GCN1: variants seen among roughly 807,000 people sequenced by gnomAD.
GCN1 encodes the protein GCN1 activator of EIF2AK4.
GCN1 carries 90 observed loss-of-function variants against 288.4 expected under a neutral mutation model. The ratio of observed to expected loss-of-function variants is 0.31; its 90% CI spans 0.26 to 0.37. The LOEUF (loss-of-function observed/expected upper bound fraction) is 0.37. Ranked by LOEUF, GCN1 falls within the 10% of genes least tolerant of loss-of-function variation. The pLI, the probability that GCN1 is intolerant of heterozygous loss-of-function variation, is 1.00. For synonymous variants in GCN1, 1,386 were observed against 1,420.2 expected, an observed-to-expected ratio of 0.98 and a Z score of 0.54; for missense variants, 2,586 against 3,419.9, an observed-to-expected ratio of 0.76 and a Z score of 6.08.
At chr12:120,183,967 T>C in intron 4 of GCN1, 145 bp downstream of exon 4, 1 of 769,316 alleles carries the variant, frequency 1.3e-6, no homozygotes, top group South Asian at 1.8e-5. Flanking sequence ...GCTTCCACTG[T>C]TTCCCAACCC....
intron 16 of GCN1, among the ~76,000 whole-genome samples, chr12:120,166,520 CTG>C (rs1399683367): frequency 6.6e-6 from 1 of 151,044 alleles, no homozygotes; most frequent in Non-Finnish European, 1.5e-5. Context: ...CTGGCTAACA[CTG>C]TGAAACCCCA....
Position 120,161,602 on chromosome 12 carries a change from T to G in GCN1, c.2343-19A>C. 1 of 1,577,732 alleles carries G rather than the reference T, an allele frequency of 6.3e-7. No homozygotes were observed. On this transcript the variant is annotated intron_variant, in intron 21 of 57. Transcript: ENST00000300648. ...CTGGGCACTGAAACACCAGAGTGGG[T>G]CATCAGCCAGCTTGAAAAGCACCGC...
intron 37 of GCN1, among the ~76,000 whole-genome samples, 164 bp downstream of exon 37, chr12:120,148,003 T>A (rs1187551331): frequency 2.0e-5 from 3 of 152,100 alleles, no homozygotes; most frequent in Admixed American, 6.5e-5. Context: ...TCTCTTGGAG[T>A]CAAACTGCTC....
Position 120,134,467 on chromosome 12 carries a change from G to C in GCN1, c.7203-62C>G, listed in dbSNP as rs200991661. 63 of 1,590,698 alleles carry C rather than the reference G, an allele frequency of 4.0e-5. No individual in the cohort carries two copies. The highest frequency in any genetic ancestry group is 8.4e-5 in the Admixed American group (5 of 59,846). On this transcript the variant is annotated intron_variant, in intron 52 of 57. Coordinates refer to ENST00000300648, the MANE Select transcript of GCN1 (RefSeq NM_006836.2). This position sits in a 1 kb window ranked among gnomAD's most constrained non-coding sequence, Gnocchi z 5.0. ...CTCCACCACCACCCCTCCTGCCAGC[G>C]CAGGCTCGGCCCACAGCAACCCCTG...
In GCN1 at chr12:120,134,395, GCATGGTGTCCCTGCA is replaced by G; in HGVS notation, c.7203-5_7212del. 6.2e-7 allele frequency: 1 copy of G among 1,613,158 alleles called. No homozygotes were observed. The highest frequency in any genetic ancestry group is 8.5e-7 in the Non-Finnish European group (1 of 1,179,182). On this transcript the variant is annotated splice_acceptor_variant and splice_polypyrimidine_tract_variant and coding_sequence_variant and intron_variant, in exon 53 of 58. Transcript: ENST00000300648. LOFTEE classifies it high-confidence loss of function. The surrounding 1 kb of genome is among the most constrained non-coding windows in gnomAD (Gnocchi z 5.0). Reference sequence around the variant, plus strand: ...TGAATCACAAACCTCAGGGCCTGCAGCATGGTGTCCCTGCAGAAGCAATGCACCGCCTTAAGCCCT... The same window carrying G: ...TGAATCACAAACCTCAGGGCCTGCAGGAAGCAATGCACCGCCTTAAGCCCT...
rs1877489409 is a variant in GCN1, at chr12:120,150,058, G to A, written c.4310-15C>T. 1.2e-6 allele frequency: 2 copies of A among 1,613,374 alleles called. No individual in the cohort carries two copies. Among genetic ancestry groups the A allele is most frequent in the Non-Finnish European group, 1.7e-6 (2 of 1,179,816 alleles). ...AAAGAGGGCTCCTAGGGGAAAAGAA[G>A]GTGGGACGGCTGGGAAGAGAATGTC... On this transcript the variant is annotated splice_polypyrimidine_tract_variant and intron_variant, in intron 34 of 57. Transcript: ENST00000300648.
intron 24 of GCN1, among the ~76,000 whole-genome samples, chr12:120,159,569 C>T (rs533137967): frequency 6.6e-6 from 1 of 152,314 alleles, no homozygotes; most frequent in Non-Finnish European, 1.5e-5. Context: ...AACTGGTATA[C>T]AAAGATCGAA....
At chr12:120,136,395 G>T (rs898350915) in intron 51 of GCN1, 107 bp downstream of exon 51, 6 of 807,702 alleles carry the variant, frequency 7.4e-6, no homozygotes, top group Admixed American at 2.2e-5. Context: ...TCTGCTATGC[G>T]GCTCTCCACA....
At chr12:120,152,642 C>A (rs1211349626) in intron 33 of GCN1, among the ~76,000 whole-genome samples, 2 of 134,624 alleles carry the variant, frequency 1.5e-5, no homozygotes, top group African/African-American at 5.7e-5. Flanking sequence ...CACGCGCACA[C>A]ACACACACAC....
intron 15 of GCN1, 142 bp downstream of exon 15, chr12:120,170,027 T>C (rs776720034): frequency 2.8e-6 from 2 of 713,068 alleles, no homozygotes; most frequent in Non-Finnish European, 2.4e-6. Flanking sequence ...AACCATGAGG[T>C]TCATCCTGCA....
At chr12:120,165,002 T>TACACACACACACACACACAC (rs55710290) in intron 16 of GCN1, among the ~76,000 whole-genome samples, 10 of 136,890 alleles carry the variant, frequency 7.3e-5, no homozygotes, top group East Asian at 2.1e-4. Context: ...TACACATATA[T>TACACACACACACACACACAC]ACACACACAC....
rs1425228787 is a variant in GCN1 at position 120,183,636 on chromosome 12, G to A, written c.359C>T (p.Thr120Ile). 2 of 1,613,692 alleles carry A rather than the reference G, an allele frequency of 1.2e-6. No homozygotes were observed. The highest frequency in any genetic ancestry group is 2.7e-5 in the African/African-American group (2 of 74,920). Reference protein sequence around the residue: ...GSAALLALTWTCLLVRIVFPS... With the variant: ...GSAALLALTWICLLVRIVFPS... Reference sequence around the variant, plus strand: ...AAAGACAATGCGCACCAGGAGGCAGGTCCAGGTCAAGGCCAGCAAGGCGGC... The same window carrying A: ...AAAGACAATGCGCACCAGGAGGCAGATCCAGGTCAAGGCCAGCAAGGCGGC... Residue 120 changes from threonine (T) to isoleucine (I), a missense_variant, in exon 5 of 58, where the codon ACC (threonine) becomes ATC (isoleucine). This residue lies in a region of GCN1 where 913 missense variants were observed against 1,107.0 expected (regional missense o/e 0.82). Coordinates refer to ENST00000300648, the MANE Select transcript of GCN1 (RefSeq NM_006836.2).
chr12:120,150,132 C>A, intron 34 of GCN1, 89 bp from the exon 35 acceptor site: 1 of 1,289,340 alleles, frequency 7.8e-7, no homozygotes, highest in Non-Finnish European at 1.1e-6. Flanking sequence ...CTCCCTGCCA[C>A]CTCCCACCCC....
chr12:120,134,424 G>T lies in GCN1; in HGVS notation c.7203-19C>A. The T allele has an allele frequency of 6.3e-7, 1 of 1,597,998 alleles. No individual in the cohort carries two copies. Among genetic ancestry groups the T allele is most frequent in the African/African-American group, 1.3e-5 (1 of 74,730 alleles). On this transcript the variant is annotated intron_variant, in intron 52 of 57. Coordinates refer to ENST00000300648, the MANE Select transcript of GCN1 (RefSeq NM_006836.2). The surrounding 1 kb of genome is among the most constrained non-coding windows in gnomAD (Gnocchi z 5.0). ...GGTGTCCCTGCAGAAGCAATGCACCGCCTTAAGCCCTGGGTGCCTCCACCA... is the reference window on the plus strand; with the variant it reads ...GGTGTCCCTGCAGAAGCAATGCACCTCCTTAAGCCCTGGGTGCCTCCACCA...
At chr12:120,178,790 A>C (rs1566317896) in intron 6 of GCN1, 31 bp from the exon 7 acceptor site, 2 of 1,614,138 alleles carry the variant, frequency 1.2e-6, no homozygotes, top group Non-Finnish European at 1.7e-6. Flanking sequence ...CAGGTGTTTA[A>C]GATGGCAGTG....
At position 120,156,684 on chromosome 12, in the gene GCN1, C is replaced by T; in HGVS notation, c.3169-80G>A. On this transcript the variant is annotated intron_variant, in intron 27 of 57. Coordinates refer to ENST00000300648, the MANE Select transcript of GCN1 (RefSeq NM_006836.2). This position sits in a 1 kb window ranked among gnomAD's most constrained non-coding sequence, Gnocchi z 5.8. The stretch of plus-strand genomic sequence containing the variant: ...GCCAGAGAGGGATATGCACTGAGAA[C>T]ACCCACCCCTACAGCACTGCAAGGG... The T allele has an allele frequency of 1.4e-6, 2 of 1,406,260 alleles. No individual in the cohort carries two copies. Among genetic ancestry groups the T allele is most frequent in the Non-Finnish European group, 2.0e-6 (2 of 1,004,928 alleles). The allele number at this position is 1,406,260 out of a possible 1,614,324, so 87.1% of individuals were successfully genotyped here.
intron 10 of GCN1, 128 bp downstream of exon 10, chr12:120,176,014 GC>G: frequency 7.7e-7 from 1 of 1,300,432 alleles, no homozygotes; most frequent in Non-Finnish European, 1.1e-6. Context: ...AACTGCCAAT[GC>G]CAATGTAGTT....
At position 120,184,571 on chromosome 12, in the gene GCN1, G is replaced by A. The variant is rs117678767; in HGVS notation, c.185+253C>T. Among the ~76,000 whole-genome samples, 677 of 152,282 alleles carry A rather than the reference G, an allele frequency of 4.4e-3. 24 individuals carry two copies. Among genetic ancestry groups the A allele is most frequent in the Admixed American group, 0.034 (523 of 15,294 alleles). ...ACACATTGACCACTATGGCACAGCA[G>A]GCAACTGTTCCAGGCACCTCACGCT... On this transcript the variant is annotated intron_variant, in intron 3 of 57. Coordinates refer to ENST00000300648, the MANE Select transcript of GCN1 (RefSeq NM_006836.2).
rs1877059758 is a variant in GCN1, at chr12:120,137,808, C to A, written c.6400G>T (p.Ala2134Ser). 1 of 1,613,258 alleles carries A rather than the reference C, an allele frequency of 6.2e-7. No individual in the cohort carries two copies. The highest frequency in any genetic ancestry group is 8.5e-7 in the Non-Finnish European group (1 of 1,179,338). Residue 2134 changes from alanine (A) to serine (S), a missense_variant, in exon 49 of 58, where the codon GCC becomes TCC. Physicochemically the swap from Ala to Ser is moderately conservative, Grantham distance 99. Around this residue, in one of 8 missense-constraint regions of GCN1, gnomAD observed 437 missense variants for 570.5 expected, o/e 0.77. Coordinates refer to ENST00000300648, the MANE Select transcript of GCN1 (RefSeq NM_006836.2). The surrounding 1 kb of genome is among the most constrained non-coding windows in gnomAD (Gnocchi z 5.2). ...LGTPDEQLEM[A>S]NCQAVILSVE... is the part of the protein sequence containing the mutation. The stretch of plus-strand genomic sequence containing the variant: ...GAGAGGATCACAGCCTGACAATTGG[C>A]CATCTCCTGCAAACCACAAGGGACA...
Sources: gnomAD v4.1 joint callset for allele counts (sites outside exome capture counted in the v4.1 genomes callset) on GRCh38, gnomAD v4.1.1 for gene constraint, gnomAD v4.1.1 regional missense constraint, Gnocchi (gnomAD v3.1) non-coding constraint, MANE v1.5 for transcripts, NCBI Gene and HGNC (gene_info 2026-07-23, HGNC 2026-07-21) for gene names.